DNAH1: variants seen among roughly 807,000 people sequenced by gnomAD.
The protein encoded by DNAH1 is axonemal beta dynein heavy chain 1.
Under a neutral mutation model 484.3 loss-of-function variants are expected in DNAH1, and 327 were observed. The observed-to-expected ratio is 0.68, with a 90% CI of 0.62 to 0.74. The LOEUF (loss-of-function observed/expected upper bound fraction) is 0.74, where lower values mean the gene tolerates loss of function less well. DNAH1 is among the 30% of genes least tolerant of loss of function. The probability of loss-of-function intolerance (pLI) is 0.00; values close to 1 mark genes in which losing one functional copy is unlikely to be tolerated. For missense variants in DNAH1, 5,052 were observed against 5,546.8 expected (o/e 0.91, Z 2.83); for synonymous variants, 2,192 against 2,191.9 (o/e 1.00, Z 0.00).
chr3:52,388,641 C>T lies in DNAH1; in HGVS notation c.9363+32C>T, dbSNP rs373097318. 6.5e-5 allele frequency: 104 copies of T among 1,611,488 alleles called. 2 individuals are homozygous for T. In the South Asian group the frequency reaches 7.0e-4, roughly 11 times the overall value. On this transcript the variant is annotated intron_variant, in intron 58 of 77. Transcript: ENST00000420323. The stretch of plus-strand genomic sequence containing the variant: ...ACCCTCCTCCTGCAAGGCCTGCAAG[C>T]GGGCCCGGCCCAGACAGGGGCCAGA...
Position 52,369,860 on chromosome 3 carries a change from G to T in DNAH1, c.5979G>T (p.Ala1993=). ...TGATGTTCGAGGTGCAAGACCTGGC[G>T]GTGGCTTCACCAGCTACAGTCTCCC... ...MTMMFEVQDL[A]VASPATVSRC... Residue 1993 remains alanine (A), a synonymous_variant, in exon 38 of 78, where the codon GCG becomes GCT. Transcript: ENST00000420323. 3 of 1,612,776 alleles carry T rather than the reference G, an allele frequency of 1.9e-6. No homozygotes were observed. Among genetic ancestry groups the T allele is most frequent in the South Asian group, 1.1e-5 (1 of 91,050 alleles).
In DNAH1 at chr3:52,364,605, T is replaced by A; in HGVS notation, c.5245-33T>A. 6.2e-7 allele frequency: 1 copy of A among 1,611,976 alleles called. No individual in the cohort carries two copies. The highest frequency in any genetic ancestry group is 8.5e-7 in the Non-Finnish European group (1 of 1,178,216). On this transcript the variant is annotated intron_variant, in intron 32 of 77. Transcript: ENST00000420323. The surrounding 1 kb of genome is among the most constrained non-coding windows in gnomAD (Gnocchi z 4.2). ...AGGCAGAAGCCTTGGAGAGGGACAG[T>A]GCTCACCCATGCCTCCTTCTGTATG...
intron 36 of DNAH1, among the ~76,000 whole-genome samples, chr3:52,367,871 C>T (rs1235070348): frequency 6.6e-6 from 1 of 152,220 alleles, no homozygotes; most frequent in Non-Finnish European, 1.5e-5. Flanking sequence ...CTGCACCCAG[C>T]CCTCAATGAT....
Position 52,379,779 on chromosome 3 carries a change from T to A in DNAH1, c.7378-126T>A. On this transcript the variant is annotated intron_variant, in intron 47 of 77. Coordinates refer to ENST00000420323, the MANE Select transcript of DNAH1 (RefSeq NM_015512.5). This position sits in a 1 kb window ranked among gnomAD's most constrained non-coding sequence, Gnocchi z 4.4. Reference sequence around the variant, plus strand: ...GCCCCCACACACTGTCCCTGGGCCATGGTGGGAGAGCCAGGCTCCAGTCAG... The same window carrying A: ...GCCCCCACACACTGTCCCTGGGCCAAGGTGGGAGAGCCAGGCTCCAGTCAG... 1.3e-6 allele frequency: 1 copy of A among 786,474 alleles called. No individual in the cohort carries two copies. The highest frequency in any genetic ancestry group is 2.0e-6 in the Non-Finnish European group (1 of 503,974). The allele number at this position is 786,474 out of a possible 1,614,324, so 48.7% of individuals were successfully genotyped here.
chr3:52,375,931 C>T (rs752801891), intron 45 of DNAH1, 24 bp from the exon 46 acceptor site: 30 of 1,611,326 alleles, frequency 1.9e-5, no homozygotes, highest in African/African-American at 4.0e-5. Flanking sequence ...CCCTGAGCCC[C>T]GTGTTTCTCC....
chr3:52,322,810 C>T (rs374974757), intron 2 of DNAH1, 35 bp downstream of exon 2: 158 of 1,546,542 alleles, frequency 1.0e-4, no homozygotes, highest in Non-Finnish European at 1.4e-4. Context: ...CAAGCCTCAA[C>T]CCTTCCTCTG....
rs374290346 is a variant in DNAH1 at position 52,326,236 on chromosome 3, T to C, written c.503T>C (p.Leu168Pro). 92 of 1,613,090 alleles carry C rather than the reference T, an allele frequency of 5.7e-5. No homozygotes were observed. The highest frequency in any genetic ancestry group is 7.7e-5 in the Non-Finnish European group (91 of 1,179,714). ...CTGCTCGCCCAGACTGACTTCCCAC[T>C]GCAGGCCTACGAGCCCAAGATGCAG... ...TRLLAQTDFP[L>P]QAYEPKMQVP... is the part of the protein sequence containing the mutation. Residue 168 changes from leucine (L) to proline (P), a missense_variant, in exon 4 of 78, where the codon CTG (leucine) becomes CCG (proline). By Grantham distance (98) the Leu-to-Pro change is moderately conservative (BLOSUM62 -3). Coordinates refer to ENST00000420323, the MANE Select transcript of DNAH1 (RefSeq NM_015512.5).
chr3:52,366,038 G>A lies in DNAH1; in HGVS notation c.5519-419G>A, dbSNP rs575481639. 5.9e-5 allele frequency among the ~76,000 whole-genome samples: 9 copies of A among 152,328 alleles called. No homozygotes were observed. In the East Asian group the frequency reaches 1.7e-3, roughly 29 times the overall value. ...CCTGTGGGCCTGGCTTCTGCCTGCTGGCAGCTGCCTCTATAGCTCCCAACT... is the reference window on the plus strand; with the variant it reads ...CCTGTGGGCCTGGCTTCTGCCTGCTAGCAGCTGCCTCTATAGCTCCCAACT... On this transcript the variant is annotated intron_variant, in intron 34 of 77. Coordinates refer to ENST00000420323, the MANE Select transcript of DNAH1 (RefSeq NM_015512.5).
chr3:52,332,397 G>A lies in DNAH1; in HGVS notation c.1286+3G>A. The A allele has an allele frequency of 6.2e-7, 1 of 1,611,788 alleles. No individual in the cohort carries two copies. Among genetic ancestry groups the A allele is most frequent in the African/African-American group, 1.3e-5 (1 of 75,048 alleles). On this transcript the variant is annotated splice_donor_region_variant and intron_variant, in intron 8 of 77. Transcript: ENST00000420323. ...CCTCGGATGCGCAAAGGCCCCTCGT[G>A]AGTCCCCGCTCGGCCTTCCCTATTC...
At position 52,362,371 on chromosome 3, in the gene DNAH1, G is replaced by A. The variant is rs370018310; in HGVS notation, c.4981-17G>A. 1,759 of 1,609,550 alleles carry A rather than the reference G, an allele frequency of 1.1e-3. 3 individuals are homozygous for A. The highest frequency in any genetic ancestry group is 2.0e-3 in the South Asian group (177 of 90,264). ...GGGCACCCTAGTCCCAGGCAAGTCA[G>A]CCTCTCCCCACTGCAGGTGGAACGC... On this transcript the variant is annotated splice_polypyrimidine_tract_variant and intron_variant, in intron 30 of 77. Transcript: ENST00000420323. This position sits in a 1 kb window ranked among gnomAD's most constrained non-coding sequence, Gnocchi z 5.1.
chr3:52,381,306 T>G lies in DNAH1; in HGVS notation c.7609-334T>G, dbSNP rs184329189. 6.6e-6 allele frequency among the ~76,000 whole-genome samples: 1 copy of G among 152,202 alleles called. No individual in the cohort carries two copies. The highest frequency in any genetic ancestry group is 1.5e-5 in the Non-Finnish European group (1 of 68,006). On this transcript the variant is annotated intron_variant, in intron 48 of 77. Coordinates refer to ENST00000420323, the MANE Select transcript of DNAH1 (RefSeq NM_015512.5). The surrounding 1 kb of genome is among the most constrained non-coding windows in gnomAD (Gnocchi z 4.1). ...TTTTTATTTTTTGGTAGAGGCAGAG[T>G]TTCGCCATGTTGCCCAGGCTGGTGT... is the stretch of plus-strand genomic sequence containing the variant.
At position 52,357,736 on chromosome 3, in the gene DNAH1, G is replaced by C. The variant is rs1483000682; in HGVS notation, c.3980+1G>C. 2 of 1,576,104 alleles carry C rather than the reference G, an allele frequency of 1.3e-6. No individual in the cohort carries two copies. The highest frequency in any genetic ancestry group is 1.4e-5 in the African/African-American group (1 of 73,962). On this transcript the variant is annotated splice_donor_variant, in intron 23 of 77. Transcript: ENST00000420323. LOFTEE classifies it high-confidence loss of function. ...AGACCAAGAGGAGCGCCTTCCCCAG[G>C]TGGGCGCCACCTGGCCATGCCCACT...
chr3:52,319,235 T>C (rs753769401), intron 1 of DNAH1, among the ~76,000 whole-genome samples: 13 of 152,250 alleles, frequency 8.5e-5, no homozygotes, highest in Non-Finnish European at 1.8e-4. Flanking sequence ...AGTGCTTGGC[T>C]ACTGGTTGAG....
chr3:52,333,360 T>C (rs562985137), intron 8 of DNAH1, among the ~76,000 whole-genome samples: 1 of 151,860 alleles, frequency 6.6e-6, no homozygotes, highest in Non-Finnish European at 1.5e-5. Context: ...TTCTTTTTCT[T>C]TTCTTTTCCT....
intron 8 of DNAH1, 141 bp from the exon 9 acceptor site, chr3:52,344,349 G>A (rs1275462334): frequency 4.2e-5 from 42 of 1,000,262 alleles, no homozygotes; most frequent in South Asian, 9.2e-5. Flanking sequence ...GCTCAGGGCC[G>A]GGTGGGGGTG....
chr3:52,370,162 A>G lies in DNAH1; in HGVS notation c.6191A>G (p.Asn2064Ser), dbSNP rs145673040. ...GTGAAGGAGGTGATCGCCTCAACCA[A>G]CTGCAACCTGACCATGAGCCTCCTC... Reference protein sequence around the residue: ...SSVKEVIASTNCNLTMSLLKL... With the variant: ...SSVKEVIASTSCNLTMSLLKL... Residue 2064 changes from asparagine (N) to serine (S), a missense_variant, in exon 39 of 78, where the codon AAC becomes AGC. Physicochemically the swap from Asn to Ser is conservative, Grantham distance 46 (BLOSUM62 1). This residue lies in a region of DNAH1 where 2,929 missense variants were observed against 3,409.4 expected (regional missense o/e 0.86). Coordinates refer to ENST00000420323, the MANE Select transcript of DNAH1 (RefSeq NM_015512.5). The G allele has an allele frequency of 0.011, 17,102 of 1,613,844 alleles. 172 individuals carry two copies. The highest frequency in any genetic ancestry group is 0.012 in the Middle Eastern group (70 of 6,062).
At chr3:52,319,070 A>G (rs1255927530) in intron 1 of DNAH1, among the ~76,000 whole-genome samples, 2 of 152,198 alleles carry the variant, frequency 1.3e-5, no homozygotes, top group Non-Finnish European at 2.9e-5. Context: ...TGAAGACCTC[A>G]GTTTCCATTC....
chr3:52,360,155 G>A (rs1559527957), intron 27 of DNAH1, 76 bp downstream of exon 27: 2 of 1,595,018 alleles, frequency 1.3e-6, no homozygotes, highest in South Asian at 2.2e-5. Flanking sequence ...AAGTCAGTTA[G>A]CAATAAGCTG....
chr3:52,359,021 G>T (rs553037111), intron 25 of DNAH1, among the ~76,000 whole-genome samples: 1 of 152,162 alleles, frequency 6.6e-6, no homozygotes, highest in Non-Finnish European at 1.5e-5. Context: ...ATAACCGGCA[G>T]CTGGGCTCTA....
Sources: allele counts gnomAD v4.1 joint callset (sites outside exome capture counted in the v4.1 genomes callset), GRCh38; gene constraint gnomAD v4.1.1; regional missense constraint gnomAD v4.1.1; non-coding constraint Gnocchi (gnomAD v3.1); transcripts MANE v1.5; gene names NCBI Gene and HGNC (gene_info 2026-07-23, HGNC 2026-07-21).